PARD3: variants seen among roughly 807,000 people sequenced by gnomAD.
The protein encoded by PARD3 is partitioning defective 3 homolog.
Under a neutral mutation model 155.4 loss-of-function variants are expected in PARD3, and 75 were observed. That is an observed-to-expected ratio of 0.48 (90% CI 0.40 to 0.58). The LOEUF (loss-of-function observed/expected upper bound fraction) is 0.58, where lower values mean the gene tolerates loss of function less well. PARD3 is among the 20% of genes least tolerant of loss of function. PARD3 has a pLI of 0.00. For missense variants in PARD3, 1,642 were observed against 1,721.7 expected (o/e 0.95, Z 0.82); for synonymous variants, 576 against 610.5 (o/e 0.94, Z 0.83).
chr10:34,535,327 T>C (rs1282642738), intron 2 of PARD3, among the ~76,000 whole-genome samples: 2 of 152,206 alleles, frequency 1.3e-5, no homozygotes, highest in East Asian at 1.9e-4. Flanking sequence ...GCTGTCTTGG[T>C]GTGCCTGAAA....
At chr10:34,274,025 G>A (rs1955758686) in intron 21 of PARD3, among the ~76,000 whole-genome samples, 1 of 152,118 alleles carries the variant, frequency 6.6e-6, no homozygotes, top group Non-Finnish European at 1.5e-5. Context: ...TGTCCCCAAT[G>A]GGGCAACGAA....
intron 4 of PARD3, among the ~76,000 whole-genome samples, chr10:34,451,658 T>C (rs541603062): frequency 7.9e-5 from 12 of 152,206 alleles, no homozygotes; most frequent in South Asian, 2.1e-4. Flanking sequence ...CAAAAGGAAA[T>C]TGATAAACAT....
intron 3 of PARD3, among the ~76,000 whole-genome samples, chr10:34,484,412 G>A (rs968657857): frequency 3.0e-4 from 45 of 152,218 alleles, no homozygotes; most frequent in Non-Finnish European, 1.2e-4. Flanking sequence ...CCCTCTGTCA[G>A]ATTCCATTCC....
At position 34,815,034 on chromosome 10, in the gene PARD3, G is replaced by A. The variant is rs763795654; in HGVS notation, c.-39C>T. ...CGGGCGGGCCCGCGCCCCTCGCCGA[G>A]CGCAGCCGGAGCAGCCGAGGCCGGG... On this transcript the variant is annotated 5_prime_UTR_variant, in exon 1 of 25. Transcript: ENST00000374788. 45 of 1,356,638 alleles carry A rather than the reference G, an allele frequency of 3.3e-5. No individual in the cohort carries two copies. Among genetic ancestry groups the A allele is most frequent in the Non-Finnish European group, 4.0e-5 (42 of 1,048,346 alleles). 84.0% of individuals were successfully genotyped at this position (1,356,638 alleles called of 1,614,324 possible).
At chr10:34,355,958 C>CAAAAAAAAAAAAAAAAAAAAAA (rs1491326864) in intron 14 of PARD3, among the ~76,000 whole-genome samples, 1 of 116,198 alleles carries the variant, frequency 8.6e-6, no homozygotes, top group African/African-American at 4.6e-5. Flanking sequence ...AAAACAAAAC[C>CAAAAAAAAAAAAAAAAAAAAAA]AAACAAAAAA....
chr10:34,119,495 G>T (rs1033657459), intron 24 of PARD3, 118 bp downstream of exon 24: 1 of 1,044,806 alleles, frequency 9.6e-7, no homozygotes, highest in Non-Finnish European at 1.3e-6. Flanking sequence ...TGGTTCCTCT[G>T]TTGCTACCAG....
At chr10:34,400,995 A>C (rs1299081689) in intron 6 of PARD3, among the ~76,000 whole-genome samples, 1 of 152,194 alleles carries the variant, frequency 6.6e-6, no homozygotes, top group African/African-American at 2.4e-5. Flanking sequence ...TACTAAATGT[A>C]AATACTCAGC....
intron 2 of PARD3, among the ~76,000 whole-genome samples, chr10:34,576,839 T>G (rs1208187238): frequency 6.6e-6 from 1 of 152,252 alleles, no homozygotes; most frequent in African/African-American, 2.4e-5. Context: ...ATAGCTTCTC[T>G]GCATCTAATG....
chr10:34,128,852 T>C (rs1312541388), intron 23 of PARD3, among the ~76,000 whole-genome samples: 1 of 152,142 alleles, frequency 6.6e-6, no homozygotes, highest in Admixed American at 6.5e-5. Context: ...GTTGAACTTG[T>C]TTCAGAATGA....
At chr10:34,592,271 T>A (rs761739564) in intron 2 of PARD3, among the ~76,000 whole-genome samples, 5 of 152,226 alleles carry the variant, frequency 3.3e-5, no homozygotes, top group African/African-American at 9.6e-5. Flanking sequence ...ATAAATTCTA[T>A]GAGAACAGGT....
intron 5 of PARD3, 22 bp from the exon 6 acceptor site, chr10:34,401,939 A>G: frequency 1.9e-6 from 3 of 1,555,070 alleles, no homozygotes; most frequent in Non-Finnish European, 2.7e-6. Context: ...CAACACAAAG[A>G]AAAGTACACT....
intron 2 of PARD3, among the ~76,000 whole-genome samples, chr10:34,561,186 G>GA (rs1214466289): frequency 1.3e-5 from 2 of 152,102 alleles, no homozygotes; most frequent in Non-Finnish European, 2.9e-5. Context: ...GGAGGAATAA[G>GA]AAAATCAAGA....
At chr10:34,736,653 A>AATTAATTT (rs959646647) in intron 1 of PARD3, among the ~76,000 whole-genome samples, 276 of 146,344 alleles carry the variant, frequency 1.9e-3, no homozygotes, top group Non-Finnish European at 3.1e-3. Context: ...TTAATTAATT[A>AATTAATTT]ATTTATTTAT....
chr10:34,705,188 G>A (rs1005595371), intron 1 of PARD3, among the ~76,000 whole-genome samples: 5 of 152,206 alleles, frequency 3.3e-5, no homozygotes, highest in African/African-American at 1.2e-4. Flanking sequence ...GATTGGCCAG[G>A]TGCAGTAGCT....
chr10:34,504,059 C>T (rs1589805359), intron 3 of PARD3, among the ~76,000 whole-genome samples: 2 of 152,040 alleles, frequency 1.3e-5, no homozygotes. Flanking sequence ...TATCATCAAC[C>T]CATTCTTGAG....
At chr10:34,610,622 C>A (rs955818620) in intron 2 of PARD3, among the ~76,000 whole-genome samples, 8 of 152,026 alleles carry the variant, frequency 5.3e-5, no homozygotes, top group African/African-American at 1.9e-4. Flanking sequence ...ATATGGAGTT[C>A]CTAGAATACG....
chr10:34,266,295 CA>C (rs1287759721), intron 22 of PARD3, among the ~76,000 whole-genome samples: 3 of 151,906 alleles, frequency 2.0e-5, no homozygotes, highest in African/African-American at 4.8e-5. Context: ...TTCTCTTTGA[CA>C]AGAACAGACA....
chr10:34,133,315 C>T lies in PARD3; in HGVS notation c.3420-1732G>A, dbSNP rs576910922. 3.3e-5 allele frequency among the ~76,000 whole-genome samples: 5 copies of T among 152,270 alleles called. No individual in the cohort carries two copies. The East Asian group carries it at 7.7e-4, about 24-fold the overall frequency. On this transcript the variant is annotated intron_variant, in intron 22 of 24. Transcript: ENST00000374788. ...CGTACCTGTACATCTGCATGCTCCC[C>T]CTCCCCTAAGGGGTTTGGGCACACA...
At chr10:34,199,792 G>A (rs1169517019) in intron 22 of PARD3, among the ~76,000 whole-genome samples, 2 of 152,092 alleles carry the variant, frequency 1.3e-5, no homozygotes, top group Non-Finnish European at 2.9e-5. Context: ...CAGTAACTGG[G>A]CCATAAAATG....
Sources: gnomAD v4.1 joint callset for allele counts (sites outside exome capture counted in the v4.1 genomes callset) on GRCh38, gnomAD v4.1.1 for gene constraint, MANE v1.5 for transcripts, NCBI Gene and HGNC (gene_info 2026-07-23, HGNC 2026-07-21) for gene names.